Variants in SAMD3 observed in about 807,000 individuals in gnomAD.
SAMD3 encodes sterile alpha motif domain containing 3, also known as sterile alpha motif domain-containing protein 3.
A neutral mutation model predicts 58.5 loss-of-function variants in SAMD3; 63 were observed. That is an observed-to-expected ratio of 1.08 (90% CI 0.88 to 1.33). The LOEUF (loss-of-function observed/expected upper bound fraction) is 1.33, where lower values mean the gene tolerates loss of function less well. SAMD3 is among the 40% of genes most tolerant of loss of function. The pLI, the probability that SAMD3 is intolerant of heterozygous loss-of-function variation, is 0.00. For synonymous variants in SAMD3, 220 were observed against 210.3 expected (o/e 1.05, Z -0.40); for missense variants, 604 against 608.4 (o/e 0.99, Z 0.08).
intron 8 of SAMD3, among the ~76,000 whole-genome samples, chr6:130,170,723 T>A (rs1791173200): frequency 6.6e-6 from 1 of 152,214 alleles, no homozygotes; most frequent in African/African-American, 2.4e-5. Flanking sequence ...AAATGGGAGT[T>A]CACTCATGAT....
At chr6:130,250,710 C>T (rs115879751) in intron 2 of SAMD3, among the ~76,000 whole-genome samples, 2 of 152,106 alleles carry the variant, frequency 1.3e-5, no homozygotes, top group Non-Finnish European at 2.9e-5. Flanking sequence ...TTTGTGTCTG[C>T]CATCTTTCTC....
chr6:130,177,273 T>C (rs1414484962), intron 7 of SAMD3, among the ~76,000 whole-genome samples: 1 of 152,164 alleles, frequency 6.6e-6, no homozygotes, highest in Non-Finnish European at 1.5e-5. Flanking sequence ...TTTAAACCTC[T>C]ACAGAGAATT....
At chr6:130,307,060 AT>A (rs1345483670) in intron 2 of SAMD3, among the ~76,000 whole-genome samples, 1 of 152,130 alleles carries the variant, frequency 6.6e-6, no homozygotes, top group African/African-American at 2.4e-5. Flanking sequence ...TTTTTACTGT[AT>A]TTTTTGTGCT....
intron 7 of SAMD3, among the ~76,000 whole-genome samples, chr6:130,181,128 G>C (rs1792290851): frequency 6.6e-6 from 1 of 151,718 alleles, no homozygotes; most frequent in South Asian, 2.1e-4. Flanking sequence ...TGTATTTTTA[G>C]TAGAGAGAGA....
Position 130,209,580 on chromosome 6 carries a change from C to A in SAMD3, c.298G>T (p.Ala100Ser), listed in dbSNP as rs145766335. 551 of 1,613,580 alleles carry A rather than the reference C, an allele frequency of 3.4e-4. 7 individuals are homozygous for A. In the East Asian group the frequency reaches 8.4e-3, roughly 25 times the overall value. ...DYRDEESSSP[A>S]RHGEQMPSFY... Reference sequence around the variant, plus strand: ...GATGGCATCTGCTCCCCATGCCTGGCTGGACTGGAGGACTCTTCATCCCTG... The same window carrying A: ...GATGGCATCTGCTCCCCATGCCTGGATGGACTGGAGGACTCTTCATCCCTG... Residue 100 changes from alanine (A) to serine (S), a missense_variant, in exon 5 of 12, where the codon GCC becomes TCC. Transcript: ENST00000439090.
intron 7 of SAMD3, among the ~76,000 whole-genome samples, chr6:130,179,309 C>G (rs139815249): frequency 3.3e-5 from 5 of 152,276 alleles, no homozygotes; most frequent in African/African-American, 1.2e-4. Flanking sequence ...GGTAGGCAGA[C>G]TCAGTAGGAA....
At chr6:130,275,919 T>C (rs11964163) in intron 2 of SAMD3, among the ~76,000 whole-genome samples, 4,721 of 152,248 alleles carry the variant, frequency 0.031, 240 homozygotes, top group African/African-American at 0.11. Flanking sequence ...CCTGCAAGGA[T>C]GTTCACATTC....
rs144590120 is a variant in SAMD3, at chr6:130,266,429, G to A, written c.-187-43616C>T. Among the ~76,000 whole-genome samples the A allele has an allele frequency of 3.9e-3, 593 of 152,202 alleles. 7 individuals carry two copies. The highest frequency in any genetic ancestry group is 0.013 in the African/African-American group (557 of 41,522). On this transcript the variant is annotated intron_variant, in intron 2 of 13. Coordinates refer to the SAMD3 transcript ENST00000368134. ...AAAAAATCACCCTGATAGCTTGTAG[G>A]TCCTAAAAGCCTCAATCATTAGACA...
chr6:130,159,701 T>C (rs1790111705), intron 8 of SAMD3: 1 of 152,090 alleles, frequency 6.6e-6, no homozygotes, highest in Non-Finnish European at 1.5e-5. Flanking sequence ...GAAAGAAATT[T>C]AAAAGGCAAG....
intron 7 of SAMD3, chr6:130,183,416 G>A (rs911795556): frequency 2.5e-4 from 112 of 453,276 alleles, no homozygotes; most frequent in African/African-American, 2.1e-3. Flanking sequence ...AGGACAGAAA[G>A]CAGAGATCTG....
At chr6:130,231,812 GT>G (rs952387707) in intron 2 of SAMD3, among the ~76,000 whole-genome samples, 2 of 149,100 alleles carry the variant, frequency 1.3e-5, no homozygotes, top group East Asian at 2.0e-4. Flanking sequence ...ATTATAGTTT[GT>G]TTTTTTTTCC....
At chr6:130,197,809 G>A (rs560181213) in intron 5 of SAMD3, among the ~76,000 whole-genome samples, 6 of 152,090 alleles carry the variant, frequency 3.9e-5, no homozygotes, top group South Asian at 2.1e-4. Context: ...ATTAATATAA[G>A]AAGATAGGAA....
Position 130,154,952 on chromosome 6 carries a change from T to C in SAMD3, c.896A>G (p.Glu299Gly), listed in dbSNP as rs1562374075. 3 of 1,613,638 alleles carry C rather than the reference T, an allele frequency of 1.9e-6. No individual in the cohort carries two copies. The highest frequency in any genetic ancestry group is 1.7e-6 in the Non-Finnish European group (2 of 1,179,774). The change falls in exon 9 of 12, where the codon GAA (glutamate) becomes GGA (glycine). Residue 299 changes from glutamate to glycine, a missense_variant. By Grantham distance (98) the Glu-to-Gly change is moderately conservative. Coordinates refer to ENST00000439090, the MANE Select transcript of SAMD3 (RefSeq NM_001017373.4). Reference sequence around the variant, plus strand: ...CTTGTCAATTTCTCTCCAGTCCTTTTCTGTTTTCACGTATTCTTGCTGGAA... The same window carrying C: ...CTTGTCAATTTCTCTCCAGTCCTTTCCTGTTTTCACGTATTCTTGCTGGAA... ...KWFQQEYVKTEKDWREIDKRM... is the reference protein window; with the variant it reads ...KWFQQEYVKTGKDWREIDKRM...
At chr6:130,283,257 T>G (rs117867182) in intron 2 of SAMD3, among the ~76,000 whole-genome samples, 1,777 of 152,188 alleles carry the variant, frequency 0.012, 14 homozygotes, top group Middle Eastern at 0.024. Context: ...TTAACAGATA[T>G]GAAGGTTAGA....
chr6:130,168,964 C>T (rs1790971035), intron 8 of SAMD3, among the ~76,000 whole-genome samples: 1 of 152,020 alleles, frequency 6.6e-6, no homozygotes, highest in Admixed American at 6.6e-5. Context: ...GCCACCAGAC[C>T]TGGCTAATTT....
Position 130,154,925 on chromosome 6 carries a change from C to T in SAMD3, c.923G>A (p.Arg308Lys). 1 of 1,613,464 alleles carries T rather than the reference C, an allele frequency of 6.2e-7. No homozygotes were observed. The highest frequency in any genetic ancestry group is 1.1e-5 in the South Asian group (1 of 91,064). Residue 308 changes from arginine (R) to lysine (K), a missense_variant, in exon 9 of 12, where the codon AGA (arginine) becomes AAA (lysine). By Grantham distance (26) the Arg-to-Lys change is conservative (BLOSUM62 2). Transcript: ENST00000439090. ...TCTTATTTCCAAAGTTTGGCTCATTCTCTTGTCAATTTCTCTCCAGTCCTT... is the reference window on the plus strand; with the variant it reads ...TCTTATTTCCAAAGTTTGGCTCATTTTCTTGTCAATTTCTCTCCAGTCCTT... ...TEKDWREIDK[R>K]MSQTLEIRRK...
At chr6:130,248,848 C>G (rs775728575) in intron 2 of SAMD3, among the ~76,000 whole-genome samples, 121 of 152,242 alleles carry the variant, frequency 7.9e-4, no homozygotes, top group South Asian at 4.1e-4. Flanking sequence ...ACAATGAATC[C>G]TGCTCTTATT....
At chr6:130,282,772 A>G (rs1246864429) in intron 2 of SAMD3, among the ~76,000 whole-genome samples, 1 of 152,236 alleles carries the variant, frequency 6.6e-6, no homozygotes, top group Non-Finnish European at 1.5e-5. Context: ...TCAAGATTCA[A>G]AATAATAACT....
chr6:130,200,947 T>A (rs1267039812), intron 5 of SAMD3, among the ~76,000 whole-genome samples: 3 of 152,176 alleles, frequency 2.0e-5, no homozygotes, highest in African/African-American at 7.2e-5. Flanking sequence ...GCTATTCTCA[T>A]GTTTGTTTTC....
Sources: gnomAD v4.1 joint callset for allele counts (sites outside exome capture counted in the v4.1 genomes callset) on GRCh38, gnomAD v4.1.1 for gene constraint, MANE v1.5 for transcripts, NCBI Gene and HGNC (gene_info 2026-07-23, HGNC 2026-07-21) for gene names.